The following LRMDA variants were observed in gnomAD, a reference collection of about 807,000 sequenced individuals.
LRMDA encodes leucine rich melanocyte differentiation associated, also known as leucine-rich melanocyte differentiation-associated protein.
Under a neutral mutation model 29.8 loss-of-function variants are expected in LRMDA, and 18 were observed. That is an observed-to-expected ratio of 0.60 (90% CI 0.42 to 0.90). The LOEUF (loss-of-function observed/expected upper bound fraction) is 0.90. Ranked by LOEUF, LRMDA falls within the 40% of genes least tolerant of loss-of-function variation. The pLI, the probability that LRMDA is intolerant of heterozygous loss-of-function variation, is 0.00. For missense variants in LRMDA, 273 were observed against 273.9 expected (o/e 1.00, Z 0.02); for synonymous variants, 125 against 109.4 (o/e 1.14, Z -0.89).
intron 2 of LRMDA, among the ~76,000 whole-genome samples, chr10:75,602,331 A>T (rs1162538618): frequency 6.6e-6 from 1 of 152,236 alleles, no homozygotes; most frequent in Non-Finnish European, 1.5e-5. Context: ...ATGGGATAGC[A>T]TATGGACTGA....
intron 5 of LRMDA, among the ~76,000 whole-genome samples, chr10:76,306,988 G>C (rs1452447214): frequency 2.0e-5 from 3 of 152,164 alleles, no homozygotes; most frequent in Admixed American, 6.5e-5. Flanking sequence ...ATATATATGT[G>C]TGGAGGAGTG....
intron 6 of LRMDA, among the ~76,000 whole-genome samples, chr10:76,545,620 A>G (rs141985876): frequency 1.5e-3 from 219 of 146,942 alleles, no homozygotes; most frequent in African/African-American, 5.3e-3. Flanking sequence ...TGTTTTAGAT[A>G]AAGAGCTGGA....
At chr10:76,014,581 C>T (rs927143695) in intron 2 of LRMDA, among the ~76,000 whole-genome samples, 10 of 152,142 alleles carry the variant, frequency 6.6e-5, no homozygotes, top group African/African-American at 2.4e-4. Flanking sequence ...AGGTTGACAC[C>T]ATCAGAAACA....
rs559046288 is a variant in LRMDA, at chr10:75,510,966, A to G, written c.131+72472A>G. Reference sequence around the variant, plus strand: ...AAAACAAGGCAGTTGACATGGTAACAGTCCCCCTTTTCTCTGTTCCCTTCT... The same window carrying G: ...AAAACAAGGCAGTTGACATGGTAACGGTCCCCCTTTTCTCTGTTCCCTTCT... On this transcript the variant is annotated intron_variant, in intron 2 of 6. Coordinates refer to ENST00000611255, the MANE Select transcript of LRMDA (RefSeq NM_001305581.2). 2.6e-5 allele frequency among the ~76,000 whole-genome samples: 4 copies of G among 152,296 alleles called. No individual in the cohort carries two copies. In the South Asian group the frequency reaches 8.3e-4, roughly 32 times the overall value.
At chr10:76,359,071 ACAGT>A (rs1841278064) in intron 6 of LRMDA, among the ~76,000 whole-genome samples, 1 of 152,056 alleles carries the variant, frequency 6.6e-6, no homozygotes, top group Non-Finnish European at 1.5e-5. Flanking sequence ...GGCTCCTGTG[ACAGT>A]CAGCCACAGA....
chr10:75,561,481 G>T (rs1840294836), intron 2 of LRMDA, among the ~76,000 whole-genome samples: 1 of 151,980 alleles, frequency 6.6e-6, no homozygotes. Flanking sequence ...CAAAAAACCA[G>T]CTCCTGGATT....
intron 6 of LRMDA, among the ~76,000 whole-genome samples, chr10:76,503,439 A>C (rs190176734): frequency 2.4e-4 from 35 of 148,210 alleles, no homozygotes; most frequent in South Asian, 1.3e-3. Context: ...TTGGCTGAGA[A>C]TCTATCTGGT....
chr10:75,827,215 C>T (rs556950252), intron 2 of LRMDA, among the ~76,000 whole-genome samples: 1 of 152,110 alleles, frequency 6.6e-6, no homozygotes. Context: ...GATTGTGCAG[C>T]AGGTAGAATG....
intron 5 of LRMDA, among the ~76,000 whole-genome samples, chr10:76,245,331 G>A (rs1234247743): frequency 6.6e-6 from 1 of 152,142 alleles, no homozygotes; most frequent in African/African-American, 2.4e-5. Flanking sequence ...TGAAAATCCA[G>A]TGCCTGGGAA....
At chr10:75,578,675 G>T (rs1407087361) in intron 2 of LRMDA, among the ~76,000 whole-genome samples, 1 of 151,982 alleles carries the variant, frequency 6.6e-6, no homozygotes, top group Non-Finnish European at 1.5e-5. Flanking sequence ...AAATGCAAAA[G>T]AATGGAAATC....
chr10:76,285,251 C>A (rs1421572792), intron 5 of LRMDA, among the ~76,000 whole-genome samples: 1 of 152,094 alleles, frequency 6.6e-6, no homozygotes, highest in Non-Finnish European at 1.5e-5. Context: ...CACAACTCAA[C>A]CAGCAAATGT....
chr10:76,131,822 T>G lies in LRMDA; in HGVS notation c.516+73039T>G, dbSNP rs1589341364. 4.6e-5 allele frequency among the ~76,000 whole-genome samples: 7 copies of G among 152,326 alleles called. No homozygotes were observed. The South Asian group carries it at 1.4e-3, about 32-fold the overall frequency. ...GACACTTTATATCATAGTAGTTTTG[T>G]GAACTTGTCAGCTACCAAGGATCTA... On this transcript the variant is annotated intron_variant, in intron 5 of 6. Transcript: ENST00000611255.
chr10:76,411,488 A>G (rs1841960947), intron 6 of LRMDA, among the ~76,000 whole-genome samples: 1 of 152,220 alleles, frequency 6.6e-6, no homozygotes, highest in Non-Finnish European at 1.5e-5. Flanking sequence ...GCATTTGCCT[A>G]AGGTCAACGA....
At chr10:76,420,847 A>G (rs1487552659) in intron 6 of LRMDA, among the ~76,000 whole-genome samples, 1 of 152,052 alleles carries the variant, frequency 6.6e-6, no homozygotes, top group Non-Finnish European at 1.5e-5. Context: ...TTTGTTAATA[A>G]TTTACAGGTA....
At chr10:76,178,359 T>G (rs765308962) in intron 5 of LRMDA, among the ~76,000 whole-genome samples, 21 of 152,246 alleles carry the variant, frequency 1.4e-4, no homozygotes, top group Non-Finnish European at 2.4e-4. Context: ...AGTGAAGTCC[T>G]CTTTGTGTCT....
chr10:75,490,375 A>G (rs996159312), intron 2 of LRMDA, among the ~76,000 whole-genome samples: 1 of 145,672 alleles, frequency 6.9e-6, no homozygotes, highest in Non-Finnish European at 1.5e-5. Context: ...ACACACACAC[A>G]GAGTCAACTT....
intron 3 of LRMDA, among the ~76,000 whole-genome samples, chr10:76,040,857 T>C (rs1275784180): frequency 2.6e-5 from 4 of 152,216 alleles, no homozygotes; most frequent in African/African-American, 9.6e-5. Context: ...GCACATGTAC[T>C]GAATAGCCAA....
intron 6 of LRMDA, among the ~76,000 whole-genome samples, chr10:76,337,263 A>G (rs1840981108): frequency 6.6e-6 from 1 of 152,248 alleles, no homozygotes; most frequent in South Asian, 2.1e-4. Context: ...TCTGCCTTCA[A>G]AGAGCTTATG....
At chr10:76,348,123 C>A (rs1356044453) in intron 6 of LRMDA, among the ~76,000 whole-genome samples, 1 of 152,100 alleles carries the variant, frequency 6.6e-6, no homozygotes, top group African/African-American at 2.4e-5. Flanking sequence ...ACCAGGAATG[C>A]AACCAATTCA....
Sources: gnomAD v4.1 joint callset for allele counts (sites outside exome capture counted in the v4.1 genomes callset) on GRCh38, gnomAD v4.1.1 for gene constraint, MANE v1.5 for transcripts, NCBI Gene and HGNC (gene_info 2026-07-23, HGNC 2026-07-21) for gene names.